RMND1: variants seen among roughly 807,000 people sequenced by gnomAD.
RMND1 encodes the protein required for meiotic nuclear division protein 1 homolog.
A neutral mutation model predicts 54.0 loss-of-function variants in RMND1; 41 were observed. That is an observed-to-expected ratio of 0.76 (90% CI 0.59 to 0.98). The LOEUF is 0.98. Among genes scored for constraint, RMND1 ranks in the 50% least tolerant of loss-of-function variants. RMND1 has a pLI of 0.00. For missense variants in RMND1, 457 were observed against 532.0 expected (o/e 0.86, Z 1.39); for synonymous variants, 183 against 181.7 (o/e 1.01, Z -0.06).
At chr6:151,427,604 T>C in intron 5 of RMND1, 22 bp from the exon 6 acceptor site, 4 of 1,478,978 alleles carry the variant, frequency 2.7e-6, no homozygotes, top group Admixed American at 1.7e-5. Flanking sequence ...GGAAGATTAA[T>C]CTGAAATCAT....
chr6:151,449,430 CTTTATCACCACT>C (rs1781063054), intron 1 of RMND1, among the ~76,000 whole-genome samples: 1 of 151,906 alleles, frequency 6.6e-6, no homozygotes, highest in Admixed American at 6.6e-5. Flanking sequence ...ATTATCTGTC[CTTTATCACCACT>C]TTGACAGCAC....
chr6:151,447,031 C>A (rs1280649627), intron 1 of RMND1, among the ~76,000 whole-genome samples: 1 of 152,066 alleles, frequency 6.6e-6, no homozygotes, highest in Non-Finnish European at 1.5e-5. Context: ...ACGAGATGCA[C>A]AAATTGCTCT....
chr6:151,445,146 C>G, intron 2 of RMND1, 162 bp downstream of exon 2: 2 of 627,002 alleles, frequency 3.2e-6, no homozygotes, highest in Non-Finnish European at 5.2e-6. Context: ...AATTAAGATT[C>G]TGAATCCCTT....
intron 10 of RMND1, among the ~76,000 whole-genome samples, chr6:151,410,370 C>G (rs1458512281): frequency 6.6e-6 from 1 of 152,024 alleles, no homozygotes; most frequent in Non-Finnish European, 1.5e-5. Flanking sequence ...CATCTGTTTT[C>G]TTAGAAGACT....
intron 7 of RMND1, among the ~76,000 whole-genome samples, chr6:151,422,818 A>G (rs1780192599): frequency 6.6e-6 from 1 of 152,210 alleles, no homozygotes; most frequent in Admixed American, 6.5e-5. Context: ...GCCCTATTGG[A>G]AGACCAAAGC....
intron 2 of RMND1, among the ~76,000 whole-genome samples, chr6:151,438,941 C>G (rs910455629): frequency 1.5e-4 from 23 of 152,116 alleles, no homozygotes; most frequent in African/African-American, 5.3e-4. Flanking sequence ...TGGTGAAACC[C>G]TGGCTCTATT....
At chr6:151,406,215 C>T (rs192650820) in intron 10 of RMND1, among the ~76,000 whole-genome samples, 2 of 152,106 alleles carry the variant, frequency 1.3e-5, no homozygotes, top group African/African-American at 4.8e-5. Flanking sequence ...AACATTTGAC[C>T]TGCTGTACAC....
In RMND1 at chr6:151,408,915, G is replaced by C. The variant is rs555353745; in HGVS notation, c.1201-3079C>G. ...AGACTTCTGACCTACAGAACAGTAA[G>C]ATGACAAATTTCTGTTAAGCAGCAG... is the stretch of plus-strand genomic sequence containing the variant. On this transcript the variant is annotated intron_variant, in intron 10 of 11. Transcript: ENST00000444024. The C allele has an allele frequency of 2.6e-5, 4 of 152,354 alleles. No individual in the cohort carries two copies. The East Asian group carries it at 7.7e-4, about 29-fold the overall frequency. The allele number at this position is 152,354 out of a possible 1,614,324, so 9.4% of individuals were successfully genotyped here.
At chr6:151,422,661 A>T in intron 7 of RMND1, 56 bp from the exon 8 acceptor site, 5 of 793,968 alleles carry the variant, frequency 6.3e-6, no homozygotes, top group Non-Finnish European at 1.0e-5. Flanking sequence ...ACATGTATAT[A>T]AAATACATAA....
At position 151,423,607 on chromosome 6, in the gene RMND1, C is replaced by G. The variant is rs576420475; in HGVS notation, c.855G>C (p.Gly285=). The G allele has an allele frequency of 1.2e-4, 196 of 1,613,668 alleles. 1 individual carries two copies. In the South Asian group the frequency reaches 1.9e-3, roughly 16 times the overall value. The change falls in exon 7 of 12, where the codon GGG becomes GGC. Residue 285 remains glycine (G), a synonymous_variant. Transcript: ENST00000444024. ...CCAGCTCTGAATTTAACTTGATTTC[C>G]CCCCTGTGAAGTTTTGACTGTCCCC... ...KIEGQSKLHR[G]EIKLNSELDL...
intron 10 of RMND1, among the ~76,000 whole-genome samples, chr6:151,413,197 C>T (rs984963414): frequency 1.3e-5 from 2 of 152,188 alleles, no homozygotes; most frequent in Non-Finnish European, 2.9e-5. Context: ...TCAGAGGACC[C>T]AGCTAAGCTG....
intron 9 of RMND1, 109 bp from the exon 10 acceptor site, chr6:151,417,508 A>G (rs1780040133): frequency 3.8e-6 from 3 of 793,968 alleles, no homozygotes; most frequent in Non-Finnish European, 1.9e-6. Context: ...TTTTTTTGGT[A>G]AGAGAGAGGG....
intron 1 of RMND1, among the ~76,000 whole-genome samples, chr6:151,449,643 C>T (rs942842794): frequency 4.0e-5 from 6 of 151,844 alleles, no homozygotes; most frequent in South Asian, 2.1e-4. Context: ...TCTCCCTCTC[C>T]CTCCTCTCCC....
chr6:151,410,836 G>A (rs1467888703), intron 10 of RMND1, among the ~76,000 whole-genome samples: 10 of 152,140 alleles, frequency 6.6e-5, no homozygotes, highest in Non-Finnish European at 1.3e-4. Context: ...TTGATCTTGA[G>A]ACCTTGATAA....
chr6:151,411,250 T>G (rs6921042), intron 10 of RMND1: 1 of 152,186 alleles, frequency 6.6e-6, no homozygotes, highest in African/African-American at 2.4e-5. Context: ...TGAGCCACCA[T>G]GCCCGGCCCT....
chr6:151,420,080 T>C (rs537641704), intron 9 of RMND1, among the ~76,000 whole-genome samples: 2 of 152,312 alleles, frequency 1.3e-5, no homozygotes, highest in African/African-American at 4.8e-5. Context: ...GGAAACAGGA[T>C]AGTAAAAGTA....
At chr6:151,451,356 T>A (rs1237870948) in intron 1 of RMND1, among the ~76,000 whole-genome samples, 2 of 152,216 alleles carry the variant, frequency 1.3e-5, no homozygotes, top group African/African-American at 4.8e-5. Flanking sequence ...CCAGGTATTG[T>A]CCTAGTTGCT....
chr6:151,406,357 T>TG (rs1342425953), intron 10 of RMND1, among the ~76,000 whole-genome samples: 2 of 146,402 alleles, frequency 1.4e-5, no homozygotes, highest in African/African-American at 5.5e-5. Context: ...ACAACTTTTT[T>TG]TTTTGTTGTT....
intron 2 of RMND1, chr6:151,444,943 T>C (rs1780907935): frequency 5.8e-6 from 1 of 173,472 alleles, no homozygotes; most frequent in South Asian, 1.8e-4. Context: ...AGTTACAATT[T>C]TTTTTAACTT....
Sources: gnomAD v4.1 joint callset for allele counts (sites outside exome capture counted in the v4.1 genomes callset) on GRCh38, gnomAD v4.1.1 for gene constraint, MANE v1.5 for transcripts, NCBI Gene and HGNC (gene_info 2026-07-23, HGNC 2026-07-21) for gene names.